ARHGAP24: variants seen among roughly 807,000 people sequenced by gnomAD.
The protein encoded by ARHGAP24 is rho GTPase-activating protein 24.
A neutral mutation model predicts 76.4 loss-of-function variants in ARHGAP24; 50 were observed. The ratio of observed to expected loss-of-function variants is 0.65; its 90% CI spans 0.52 to 0.83. The LOEUF (loss-of-function observed/expected upper bound fraction) is 0.83, where lower values mean the gene tolerates loss of function less well. ARHGAP24 is among the 40% of genes least tolerant of loss of function. The pLI is 0.00. For missense variants in ARHGAP24, 930 were observed against 914.2 expected, an observed-to-expected ratio of 1.02 and a Z score of -0.22; for synonymous variants, 345 against 323.3, an observed-to-expected ratio of 1.07 and a Z score of -0.72.
intron 1 of ARHGAP24, among the ~76,000 whole-genome samples, chr4:85,494,679 CA>C (rs563919982): frequency 3.6e-4 from 43 of 120,820 alleles, no homozygotes; most frequent in African/African-American, 3.8e-4. Context: ...GACTCTGTCT[CA>C]AAAAAAAAAA....
chr4:85,663,616 T>C (rs891281637), intron 2 of ARHGAP24, among the ~76,000 whole-genome samples: 1 of 149,568 alleles, frequency 6.7e-6, no homozygotes, highest in African/African-American at 2.5e-5. Context: ...AGGGAATGCT[T>C]CCAGTTTTTG....
chr4:85,725,287 T>C (rs1447538527), intron 3 of ARHGAP24, among the ~76,000 whole-genome samples: 2 of 152,196 alleles, frequency 1.3e-5, no homozygotes, highest in Non-Finnish European at 2.9e-5. Context: ...CAGTATAACA[T>C]ATGGTGCTAA....
chr4:85,492,725 A>C (rs1723408348), intron 1 of ARHGAP24, among the ~76,000 whole-genome samples: 1 of 152,222 alleles, frequency 6.6e-6, no homozygotes, highest in Non-Finnish European at 1.5e-5. Context: ...TTATTTCAAA[A>C]TAATTTGAAA....
intron 3 of ARHGAP24, among the ~76,000 whole-genome samples, chr4:85,763,100 C>A (rs1726794657): frequency 6.6e-6 from 1 of 152,196 alleles, no homozygotes; most frequent in East Asian, 1.9e-4. Flanking sequence ...ATATCCACTG[C>A]CTGATTCTTA....
rs1176653639 is a variant in ARHGAP24, at chr4:85,740,912, C to G, written c.268+18940C>G. On this transcript the variant is annotated intron_variant, in intron 3 of 9. Coordinates refer to ENST00000395184, the MANE Select transcript of ARHGAP24 (RefSeq NM_001025616.3). ...ATGCATAAAAAAGCAGTAATGAAAG[C>G]TAACTTTTTTGAGTATTTATTCTGT... Among the ~76,000 whole-genome samples, 3 of 152,190 alleles carry G rather than the reference C, an allele frequency of 2.0e-5. No homozygotes were observed. The East Asian group carries it at 5.8e-4, about 29-fold the overall frequency.
intron 2 of ARHGAP24, chr4:85,686,688 A>C (rs1341606582): frequency 6.6e-6 from 1 of 152,206 alleles, no homozygotes; most frequent in Non-Finnish European, 1.5e-5. Context: ...TGGCTCATTG[A>C]AAAAGAAAAG....
At chr4:85,920,264 G>A (rs990430926) in intron 3 of ARHGAP24, among the ~76,000 whole-genome samples, 1 of 151,920 alleles carries the variant, frequency 6.6e-6, no homozygotes, top group Non-Finnish European at 1.5e-5. Flanking sequence ...TATTTTTATT[G>A]CTTTATTTTG....
At chr4:85,479,484 C>T (rs1442248909) in intron 1 of ARHGAP24, among the ~76,000 whole-genome samples, 1 of 152,070 alleles carries the variant, frequency 6.6e-6, no homozygotes, top group Non-Finnish European at 1.5e-5. Context: ...ATTTGGAGAT[C>T]CTGCTTATTG....
chr4:85,593,805 G>A (rs1728210371), intron 2 of ARHGAP24, among the ~76,000 whole-genome samples: 1 of 152,146 alleles, frequency 6.6e-6, no homozygotes, highest in Middle Eastern at 3.4e-3. Context: ...CTGTTACACT[G>A]GTCTATATGT....
rs1729788463 is a variant in ARHGAP24, at chr4:85,827,661, G to A, written c.269-95987G>A. 1.9e-5 allele frequency: 4 copies of A among 214,680 alleles called. No individual in the cohort carries two copies. In the South Asian group the frequency reaches 3.0e-4, roughly 16 times the overall value. 13.3% of individuals were successfully genotyped at this position (214,680 alleles called of 1,614,324 possible). A position where few individuals can be genotyped will look rare whatever the true frequency, so the allele number is the denominator to read the frequency against. On this transcript the variant is annotated intron_variant, in intron 3 of 9. Coordinates refer to ENST00000395184, the MANE Select transcript of ARHGAP24 (RefSeq NM_001025616.3). ...CGAAAGGCAAGGTGTCTGGAGTTTAGGGTCTTTCCATGACAGCCCCTCCTC... is the reference window on the plus strand; with the variant it reads ...CGAAAGGCAAGGTGTCTGGAGTTTAAGGTCTTTCCATGACAGCCCCTCCTC...
chr4:85,823,152 T>G (rs567990069), intron 3 of ARHGAP24, among the ~76,000 whole-genome samples: 9 of 152,188 alleles, frequency 5.9e-5, no homozygotes, highest in Non-Finnish European at 1.2e-4. Context: ...TTGAAGAACA[T>G]TTAGAAAATG....
At chr4:85,521,399 A>C (rs1360072209) in intron 1 of ARHGAP24, among the ~76,000 whole-genome samples, 1 of 87,672 alleles carries the variant, frequency 1.1e-5, no homozygotes, top group African/African-American at 3.1e-5. Context: ...CTTAAGAGCC[A>C]CTTGAAAAAG....
At chr4:85,926,336 C>G (rs1237239984) in intron 4 of ARHGAP24, among the ~76,000 whole-genome samples, 1 of 152,180 alleles carries the variant, frequency 6.6e-6, no homozygotes, top group Non-Finnish European at 1.5e-5. Flanking sequence ...AAGAATAAAT[C>G]TTCTCCTGCC....
chr4:85,483,270 A>C (rs771977561), intron 1 of ARHGAP24, among the ~76,000 whole-genome samples: 3 of 152,184 alleles, frequency 2.0e-5, no homozygotes, highest in Non-Finnish European at 4.4e-5. Flanking sequence ...TATGACCAAC[A>C]TTTCTTTTTG....
At chr4:85,500,435 T>G (rs1034496321) in intron 1 of ARHGAP24, among the ~76,000 whole-genome samples, 4 of 152,200 alleles carry the variant, frequency 2.6e-5, no homozygotes, top group African/African-American at 9.6e-5. Context: ...AGAATACAGA[T>G]TATTAACTAA....
chr4:85,795,735 TA>T (rs11393961), intron 3 of ARHGAP24, among the ~76,000 whole-genome samples: 4 of 150,408 alleles, frequency 2.7e-5, no homozygotes, highest in African/African-American at 7.3e-5. Context: ...TGTAATATGG[TA>T]AAAAAAAAAT....
At chr4:85,738,347 G>T (rs1223357387) in intron 3 of ARHGAP24, among the ~76,000 whole-genome samples, 2 of 148,584 alleles carry the variant, frequency 1.3e-5, no homozygotes, top group African/African-American at 4.9e-5. Context: ...CAAATCTTTG[G>T]CCTAGTTTTC....
At chr4:85,715,951 T>G (rs1221503319) in intron 2 of ARHGAP24, among the ~76,000 whole-genome samples, 2 of 152,138 alleles carry the variant, frequency 1.3e-5, no homozygotes, top group Non-Finnish European at 2.9e-5. Flanking sequence ...ATCGTTTTAA[T>G]AAAACCTGTT....
rs1250483328 is a variant in ARHGAP24, at chr4:85,765,832, A to T, written c.268+43860A>T. 1.3e-5 allele frequency among the ~76,000 whole-genome samples: 2 copies of T among 152,084 alleles called. 1 individual carries two copies. The highest frequency in any genetic ancestry group is 4.8e-5 in the African/African-American group (2 of 41,428). On this transcript the variant is annotated intron_variant, in intron 3 of 9. Coordinates refer to ENST00000395184, the MANE Select transcript of ARHGAP24 (RefSeq NM_001025616.3). ...TACCCACTCTATTTTAAAACACGAG[A>T]TCTCACATACAGCACAGTTCTTTGG...
Sources: allele counts gnomAD v4.1 joint callset (sites outside exome capture counted in the v4.1 genomes callset), GRCh38; gene constraint gnomAD v4.1.1; transcripts MANE v1.5; gene names NCBI Gene and HGNC (gene_info 2026-07-23, HGNC 2026-07-21).